The following THAP4 variants were observed in gnomAD, a reference collection of about 807,000 sequenced individuals.
THAP4 encodes the protein peroxynitrite isomerase THAP4.
Under a neutral mutation model 48.1 loss-of-function variants are expected in THAP4, and 18 were observed. That is an observed-to-expected ratio of 0.37 (90% CI 0.26 to 0.56). THAP4 has a LOEUF of 0.56. THAP4 is among the 20% of genes least tolerant of loss of function. The pLI, the probability that THAP4 is intolerant of heterozygous loss-of-function variation, is 0.78. For synonymous variants in THAP4, 345 were observed against 324.9 expected (o/e 1.06, Z -0.66); for missense variants, 656 against 774.9 (o/e 0.85, Z 1.82).
In THAP4 at chr2:241,601,520, T is replaced by G. The variant is rs558337249; in HGVS notation, c.1614+376A>C. Among the ~76,000 whole-genome samples the G allele has an allele frequency of 6.6e-4, 101 of 152,176 alleles. No homozygotes were observed. Among genetic ancestry groups the G allele is most frequent in the Non-Finnish European group, 1.3e-3 (87 of 68,024 alleles). On this transcript the variant is annotated intron_variant, in intron 5 of 5. Transcript: ENST00000407315. This position sits in a 1 kb window ranked among gnomAD's most constrained non-coding sequence, Gnocchi z 4.0. Reference sequence around the variant, plus strand: ...CATGCAAGAGATAGTGGGAGGATAATCATGAAGAAATACAATCTAACAGTG... The same window carrying G: ...CATGCAAGAGATAGTGGGAGGATAAGCATGAAGAAATACAATCTAACAGTG...
rs566408219 is a variant in THAP4 at position 241,626,891 on chromosome 2, T to G, written c.1240+6026A>C. ...TCTGGATTTTTGAACAACTTTATAT[T>G]GTGAAAAATCTTGAACATTACAAAT... On this transcript the variant is annotated intron_variant, in intron 2 of 5. Coordinates refer to ENST00000407315, the MANE Select transcript of THAP4 (RefSeq NM_015963.6). 4.6e-5 allele frequency among the ~76,000 whole-genome samples: 7 copies of G among 152,352 alleles called. No individual in the cohort carries two copies. The East Asian group carries it at 1.3e-3, about 29-fold the overall frequency.
chr2:241,636,893 C>T (rs1402090722), intron 1 of THAP4, 48 bp downstream of exon 1: 1 of 1,106,460 alleles, frequency 9.0e-7, no homozygotes, highest in Non-Finnish European at 1.1e-6. Flanking sequence ...TCAGTTTCCC[C>T]GCAGGGCCGG....
rs1215759437 is a variant in THAP4 at position 241,610,342 on chromosome 2, G to C, written c.1241-3869C>G. Among the ~76,000 whole-genome samples, 1 of 152,148 alleles carries C rather than the reference G, an allele frequency of 6.6e-6. No individual in the cohort carries two copies. The highest frequency in any genetic ancestry group is 1.5e-5 in the Non-Finnish European group (1 of 68,012). On this transcript the variant is annotated intron_variant, in intron 2 of 5. Transcript: ENST00000407315. The surrounding 1 kb of genome is among the most constrained non-coding windows in gnomAD (Gnocchi z 4.2). ...CGCCCTCTCTTGCGCCTGCGGGACCGGGAGGGCCGCGCTCGCCCCCCAGCG... is the reference window on the plus strand; with the variant it reads ...CGCCCTCTCTTGCGCCTGCGGGACCCGGAGGGCCGCGCTCGCCCCCCAGCG...
intron 5 of THAP4, among the ~76,000 whole-genome samples, chr2:241,587,939 G>C (rs1256401809): frequency 5.5e-5 from 8 of 145,008 alleles, no homozygotes; most frequent in Non-Finnish European, 1.0e-4. Flanking sequence ...AAAATCACTA[G>C]AGAATAGCCA....
At position 241,602,054 on chromosome 2, in the gene THAP4, A is replaced by G. The variant is rs1324885708; in HGVS notation, c.1511-55T>C. The stretch of plus-strand genomic sequence containing the variant: ...GCAGCTGCTCGGCTTGCAGAGAGGC[A>G]GCCTTGACTCTCCTTGCCTGCAAGC... On this transcript the variant is annotated intron_variant, in intron 4 of 5. Coordinates refer to ENST00000407315, the MANE Select transcript of THAP4 (RefSeq NM_015963.6). 2.0e-5 allele frequency: 31 copies of G among 1,566,200 alleles called. No individual in the cohort carries two copies. In the African/African-American group the frequency reaches 3.5e-4, roughly 18 times the overall value.
At position 241,601,770 on chromosome 2, in the gene THAP4, C is replaced by A; in HGVS notation, c.1614+126G>T. The stretch of plus-strand genomic sequence containing the variant: ...GGTCCGAGAAGGGAAAAGAAGGAGA[C>A]AGTGAAGACAGGCCTGTGAGACACA... On this transcript the variant is annotated intron_variant, in intron 5 of 5. Transcript: ENST00000407315. The surrounding 1 kb of genome is among the most constrained non-coding windows in gnomAD (Gnocchi z 4.0). 6.6e-7 allele frequency: 1 copy of A among 1,520,872 alleles called. No homozygotes were observed. The highest frequency in any genetic ancestry group is 8.9e-7 in the Non-Finnish European group (1 of 1,123,122). The allele number at this position is 1,520,872 out of a possible 1,614,324, so 94.2% of individuals were successfully genotyped here. A position where few individuals can be genotyped will look rare whatever the true frequency, so the allele number is the denominator to read the frequency against.
At chr2:241,634,805 G>C (rs1046953968) in intron 1 of THAP4, among the ~76,000 whole-genome samples, 5 of 152,206 alleles carry the variant, frequency 3.3e-5, no homozygotes, top group Non-Finnish European at 5.9e-5. Flanking sequence ...CTGGGGAACA[G>C]AGTGAAACCC....
At position 241,608,535 on chromosome 2, in the gene THAP4, G is replaced by A. The variant is rs981238511; in HGVS notation, c.1241-2062C>T. Among the ~76,000 whole-genome samples, 8 of 152,136 alleles carry A rather than the reference G, an allele frequency of 5.3e-5. No homozygotes were observed. In the South Asian group the frequency reaches 1.0e-3, roughly 20 times the overall value. ...AGAGAATTTTTAAATCAAGATTTTC[G>A]TTGCAATCTTTCACGGAGATAAGGA... On this transcript the variant is annotated intron_variant, in intron 2 of 5. Transcript: ENST00000407315.
intron 2 of THAP4, among the ~76,000 whole-genome samples, chr2:241,627,785 A>T (rs570574052): frequency 6.6e-6 from 1 of 152,014 alleles, no homozygotes; most frequent in African/African-American, 2.4e-5. Context: ...TCTCCCCACC[A>T]CACCCTCGCT....
intron 5 of THAP4, among the ~76,000 whole-genome samples, chr2:241,590,904 A>AC (rs1220844673): frequency 1.8e-5 from 1 of 54,306 alleles, no homozygotes; most frequent in Admixed American, 2.0e-4. Flanking sequence ...ACTAGGACAC[A>AC]CAGAACTGCC....
In THAP4 at chr2:241,606,328, G is replaced by C. The variant is rs1410411599; in HGVS notation, c.1386C>G (p.Pro462=). 2 of 1,558,688 alleles carry C rather than the reference G, an allele frequency of 1.3e-6. No individual in the cohort carries two copies. Among genetic ancestry groups the C allele is most frequent in the Non-Finnish European group, 1.7e-6 (2 of 1,150,706 alleles). The change falls in exon 3 of 6, where the codon CCC becomes CCG. Residue 462 remains proline, a synonymous_variant. Coordinates refer to ENST00000407315, the MANE Select transcript of THAP4 (RefSeq NM_015963.6). Reference sequence around the variant, plus strand: ...AGACAACTTACGAGAAGTTCAGCATGGGCTGGCCCACGTGGGAGATGTGAA... The same window carrying C: ...AGACAACTTACGAGAAGTTCAGCATCGGCTGGCCCACGTGGGAGATGTGAA... The part of the protein sequence containing the change: ...EEVHISHVGQ[P]MLNFSFNSFH...
intron 5 of THAP4, among the ~76,000 whole-genome samples, chr2:241,595,611 T>G: frequency 6.7e-6 from 1 of 150,246 alleles, no homozygotes; most frequent in East Asian, 2.0e-4. Context: ...CACTCCAGCC[T>G]GGGCAACAAG....
chr2:241,598,458 A>G (rs900871664), intron 5 of THAP4, among the ~76,000 whole-genome samples: 5 of 152,190 alleles, frequency 3.3e-5, no homozygotes, highest in Admixed American at 6.5e-5. Context: ...AGCTATTAAT[A>G]TAATTTATTA....
At chr2:241,593,134 A>G (rs1395624449) in intron 5 of THAP4, among the ~76,000 whole-genome samples, 1 of 152,122 alleles carries the variant, frequency 6.6e-6, no homozygotes, top group Non-Finnish European at 1.5e-5. Flanking sequence ...AGTCTCAGCT[A>G]CTTGGGAGGA....
chr2:241,598,056 C>G (rs1284544275), intron 5 of THAP4, among the ~76,000 whole-genome samples: 1 of 150,190 alleles, frequency 6.7e-6, no homozygotes, highest in East Asian at 1.9e-4. Flanking sequence ...AAAACACACA[C>G]AAAACATCAG....
intron 5 of THAP4, among the ~76,000 whole-genome samples, chr2:241,595,014 C>CT (rs913048532): frequency 1.3e-5 from 2 of 151,632 alleles, no homozygotes; most frequent in Admixed American, 6.6e-5. Context: ...ATGTGAAGAT[C>CT]TTTTTTTTTC....
chr2:241,599,226 T>G lies in THAP4; in HGVS notation c.1614+2670A>C, dbSNP rs555313999. 2.0e-5 allele frequency among the ~76,000 whole-genome samples: 3 copies of G among 148,730 alleles called. No individual in the cohort carries two copies. The South Asian group carries it at 6.5e-4, about 32-fold the overall frequency. On this transcript the variant is annotated intron_variant, in intron 5 of 5. Transcript: ENST00000407315. ...GAGATCGTGCCACTGCATTCCAGCCTGGGCAACAGATTGAGACTCTGTCTC... is the reference window on the plus strand; with the variant it reads ...GAGATCGTGCCACTGCATTCCAGCCGGGGCAACAGATTGAGACTCTGTCTC...
At chr2:241,602,949 G>A in intron 4 of THAP4, 21 bp downstream of exon 4, 13 of 1,592,466 alleles carry the variant, frequency 8.2e-6, no homozygotes, top group Non-Finnish European at 1.0e-5. Flanking sequence ...CAGCCCTCCC[G>A]CCCCGCAAGC....
intron 1 of THAP4, among the ~76,000 whole-genome samples, chr2:241,635,675 CAGG>C (rs2067630552): frequency 1.3e-5 from 2 of 152,004 alleles, no homozygotes; most frequent in East Asian, 2.0e-4. Context: ...GAGGCTGAAG[CAGG>C]AGAATAGCTT....
Sources: gnomAD v4.1 joint callset for allele counts (sites outside exome capture counted in the v4.1 genomes callset) on GRCh38, gnomAD v4.1.1 for gene constraint, Gnocchi (gnomAD v3.1) non-coding constraint, MANE v1.5 for transcripts, NCBI Gene and HGNC (gene_info 2026-07-23, HGNC 2026-07-21) for gene names.